The following ANKRD30BL variants were observed in gnomAD, a reference collection of about 807,000 sequenced individuals.
ANKRD30BL encodes the protein putative ankyrin repeat domain-containing protein 30B-like.
Under a neutral mutation model 18.4 loss-of-function variants are expected in ANKRD30BL, and 20 were observed. That is an observed-to-expected ratio of 1.09 (90% CI 0.77 to 1.58). The LOEUF is 1.58. Among genes scored for constraint, ANKRD30BL ranks in the 40% most tolerant of loss-of-function variants. The pLI is 0.00. For missense variants in ANKRD30BL, 224 were observed against 268.6 expected (o/e 0.83, Z 1.16); for synonymous variants, 72 against 100.9 (o/e 0.71, Z 1.72).
At chr2:132,199,658 C>T (rs1054850503) in intron 1 of ANKRD30BL, among the ~76,000 whole-genome samples, 2 of 152,068 alleles carry the variant, frequency 1.3e-5, no homozygotes, top group African/African-American at 4.8e-5. Flanking sequence ...AGGCATCCAC[C>T]ACCACAGACG....
intron 1 of ANKRD30BL, among the ~76,000 whole-genome samples, chr2:132,177,679 A>G (rs901917516): frequency 2.0e-5 from 3 of 152,342 alleles, no homozygotes; most frequent in African/African-American, 7.2e-5. Context: ...TTGTTGAAAG[A>G]AAATACTGGA....
At chr2:132,205,195 A>G (rs1467804204) in intron 1 of ANKRD30BL, among the ~76,000 whole-genome samples, 1 of 152,164 alleles carries the variant, frequency 6.6e-6, no homozygotes, top group Non-Finnish European at 1.5e-5. Context: ...CCAAGAATAC[A>G]TTTCAGGAAA....
chr2:132,246,913 T>G (rs1418029153), intron 1 of ANKRD30BL, among the ~76,000 whole-genome samples: 1 of 151,402 alleles, frequency 6.6e-6, no homozygotes, highest in Admixed American at 6.6e-5. Flanking sequence ...TGAAACACTC[T>G]TTTTGTAGTA....
intron 1 of ANKRD30BL, among the ~76,000 whole-genome samples, chr2:132,232,854 G>A (rs543765084): frequency 1.6e-4 from 24 of 152,002 alleles, no homozygotes; most frequent in African/African-American, 5.1e-4. Flanking sequence ...GATACTCCTC[G>A]AGAAGAGCAA....
chr2:132,194,919 A>G (rs1678933361), intron 1 of ANKRD30BL, among the ~76,000 whole-genome samples: 1 of 152,188 alleles, frequency 6.6e-6, no homozygotes, highest in Non-Finnish European at 1.5e-5. Flanking sequence ...CTCTGCTAGG[A>G]ATATTTTTTG....
chr2:132,255,678 G>A (rs1246991323), intron 1 of ANKRD30BL, among the ~76,000 whole-genome samples: 3 of 151,944 alleles, frequency 2.0e-5, no homozygotes, highest in Admixed American at 1.3e-4. Flanking sequence ...GTTATTTTTC[G>A]TCACTACCTC....
At position 132,229,942 on chromosome 2, in the gene ANKRD30BL, T is replaced by A. The variant is rs1343018874; in HGVS notation, n.441+27587A>T. Among the ~76,000 whole-genome samples, 4 of 152,254 alleles carry A rather than the reference T, an allele frequency of 2.6e-5. No individual in the cohort carries two copies. The South Asian group carries it at 6.2e-4, about 24-fold the overall frequency. ...TGGATATTTGGAACGCTTGGAGGCC[T>A]TCTTTATAAACGTGAATATCTTCAC... On this transcript the variant is annotated intron_variant and non_coding_transcript_variant, in intron 1 of 4. Coordinates refer to the ANKRD30BL transcript ENST00000470729.
chr2:132,226,855 A>G (rs1333249271), intron 1 of ANKRD30BL, among the ~76,000 whole-genome samples: 1 of 152,026 alleles, frequency 6.6e-6, no homozygotes, highest in African/African-American at 2.4e-5. Flanking sequence ...AAGTTAGAAA[A>G]GGAAATATCT....
intron 1 of ANKRD30BL, among the ~76,000 whole-genome samples, chr2:132,221,860 AG>A (rs1232680131): frequency 8.9e-6 from 1 of 112,820 alleles, no homozygotes. Context: ...CCCGTCCGGG[AG>A]GGGGGAGGGG....
chr2:132,232,591 G>A (rs1680053272), intron 1 of ANKRD30BL, among the ~76,000 whole-genome samples: 1 of 152,088 alleles, frequency 6.6e-6, no homozygotes, highest in Non-Finnish European at 1.5e-5. Context: ...ATCAGCAATG[G>A]AAGATGAAAT....
At chr2:132,229,168 A>G (rs1679933122) in intron 1 of ANKRD30BL, among the ~76,000 whole-genome samples, 1 of 152,128 alleles carries the variant, frequency 6.6e-6, no homozygotes, top group Non-Finnish European at 1.5e-5. Flanking sequence ...GTGTGCATTC[A>G]ACCCCCAGAT....
intron 1 of ANKRD30BL, among the ~76,000 whole-genome samples, chr2:132,230,055 G>A (rs1035409069): frequency 8.6e-5 from 13 of 151,510 alleles, no homozygotes; most frequent in Admixed American, 1.3e-4. Flanking sequence ...GATAGAGCAC[G>A]TTTCAAACAC....
intron 1 of ANKRD30BL, among the ~76,000 whole-genome samples, chr2:132,237,607 C>T (rs150481645): frequency 4.0e-4 from 61 of 151,870 alleles, no homozygotes; most frequent in Admixed American, 2.0e-4. Flanking sequence ...TCGCTGGAAA[C>T]GGGTATGTCT....
intron 1 of ANKRD30BL, among the ~76,000 whole-genome samples, chr2:132,221,594 G>C (rs2104771001): frequency 7.5e-6 from 1 of 133,880 alleles, no homozygotes; most frequent in Non-Finnish European, 1.6e-5. Flanking sequence ...GGAGGGAGGT[G>C]GGGGGATCAG....
intron 1 of ANKRD30BL, among the ~76,000 whole-genome samples, chr2:132,174,095 G>A: frequency 6.6e-6 from 1 of 152,186 alleles, no homozygotes; most frequent in East Asian, 1.9e-4. Context: ...CTTCTCTAAA[G>A]GGGCCTTTCA....
intron 1 of ANKRD30BL, among the ~76,000 whole-genome samples, chr2:132,245,116 A>G (rs1353716942): frequency 2.0e-5 from 3 of 152,292 alleles, no homozygotes; most frequent in Non-Finnish European, 2.9e-5. Context: ...ATAAAACTAG[A>G]CAGAAGCATT....
chr2:132,250,227 T>C (rs1680615729), intron 1 of ANKRD30BL, among the ~76,000 whole-genome samples: 1 of 152,090 alleles, frequency 6.6e-6, no homozygotes, highest in South Asian at 2.1e-4. Flanking sequence ...AAGAACAGAG[T>C]TTCCAGACTG....
At chr2:132,222,299 G>T (rs1319783496) in intron 1 of ANKRD30BL, among the ~76,000 whole-genome samples, 3 of 152,182 alleles carry the variant, frequency 2.0e-5, no homozygotes, top group East Asian at 2.0e-4. Context: ...GAAGTGAGGA[G>T]CCCCTCTGCC....
At chr2:132,236,990 T>C (rs946082937) in intron 1 of ANKRD30BL, among the ~76,000 whole-genome samples, 1 of 151,382 alleles carries the variant, frequency 6.6e-6, no homozygotes, top group Non-Finnish European at 1.5e-5. Context: ...ATGGATGAAA[T>C]TGGAAATCAT....
Sources: gnomAD v4.1 joint callset for allele counts (sites outside exome capture counted in the v4.1 genomes callset) on GRCh38, gnomAD v4.1.1 for gene constraint, MANE v1.5 for transcripts, NCBI Gene and HGNC (gene_info 2026-07-23, HGNC 2026-07-21) for gene names.